Variants in LARP1B observed in about 807,000 individuals in gnomAD.
LARP1B encodes la-related protein 1B.
LARP1B carries 76 observed loss-of-function variants against 114.2 expected under a neutral mutation model. That is an observed-to-expected ratio of 0.67 (90% CI 0.55 to 0.81). LARP1B has a LOEUF of 0.81. LARP1B is among the 30% of genes least tolerant of loss of function. The pLI is 0.00. For missense variants in LARP1B, 1,014 were observed against 1,075.8 expected (o/e 0.94, Z 0.80); for synonymous variants, 345 against 348.0 (o/e 0.99, Z 0.10).
intron 3 of LARP1B, among the ~76,000 whole-genome samples, chr4:128,075,376 C>G (rs983018500): frequency 1.3e-5 from 2 of 152,040 alleles, no homozygotes; most frequent in Non-Finnish European, 1.5e-5. Context: ...TATGAGCTAC[C>G]ATTCTGGCTG....
chr4:128,095,804 AT>A (rs1380430229), intron 7 of LARP1B, among the ~76,000 whole-genome samples: 2 of 152,078 alleles, frequency 1.3e-5, no homozygotes, highest in African/African-American at 4.8e-5. Flanking sequence ...TTGTTTTCTC[AT>A]AACTTGTATT....
intron 7 of LARP1B, chr4:128,092,789 C>T: frequency 1.0e-6 from 1 of 985,430 alleles, no homozygotes. Context: ...GATGCAAACA[C>T]TGAAGAAAAG....
chr4:128,135,098 A>AAATAAAT (rs1792866659), intron 11 of LARP1B, among the ~76,000 whole-genome samples: 1 of 141,510 alleles, frequency 7.1e-6, no homozygotes, highest in Non-Finnish European at 1.5e-5. Context: ...ACTTCATCTC[A>AAATAAAT]AAATAAATAA....
chr4:128,104,301 T>C (rs1176829219), intron 8 of LARP1B, among the ~76,000 whole-genome samples: 1 of 152,190 alleles, frequency 6.6e-6, no homozygotes, highest in Non-Finnish European at 1.5e-5. Context: ...ACATAAATGG[T>C]GTTATGACTT....
At position 128,071,902 on chromosome 4, in the gene LARP1B, C is replaced by A. The variant is rs529176671; in HGVS notation, c.-77-2558C>A. On this transcript the variant is annotated intron_variant, in intron 1 of 19. Coordinates refer to ENST00000326639, the MANE Select transcript of LARP1B (RefSeq NM_018078.4). ...GTGTTGTAGCTTTTGTTTAAAGTAT[C>A]CTAGCCCTTAAAAATATATTATTTT... Among the ~76,000 whole-genome samples the A allele has an allele frequency of 2.7e-4, 41 of 152,186 alleles. No homozygotes were observed. The East Asian group carries it at 7.7e-3, about 29-fold the overall frequency.
intron 5 of LARP1B, among the ~76,000 whole-genome samples, chr4:128,085,552 TAG>T (rs1773129339): frequency 6.6e-6 from 1 of 151,974 alleles, no homozygotes; most frequent in African/African-American, 2.4e-5. Context: ...AAGTTTTCTT[TAG>T]AGACAGTCTT....
intron 12 of LARP1B, among the ~76,000 whole-genome samples, chr4:128,163,640 T>C (rs1038425041): frequency 2.6e-5 from 4 of 152,214 alleles, no homozygotes; most frequent in African/African-American, 7.2e-5. Flanking sequence ...CTTTGTTTAC[T>C]AGTTTCAAAG....
In LARP1B at chr4:128,121,919, A is replaced by C; in HGVS notation, c.1255A>C (p.Ile419Leu). 6.2e-7 allele frequency: 1 copy of C among 1,612,774 alleles called. No individual in the cohort carries two copies. Among genetic ancestry groups the C allele is most frequent in the Non-Finnish European group, 8.5e-7 (1 of 1,179,860 alleles). ...ACTTGATTTTTTGTTTGATGAAGAG[A>C]TTGAACAAATAGGACGAAAAAACAC... ...EELDFLFDEE[I>L]EQIGRKNTFT... Residue 419 changes from isoleucine (I) to leucine (L), a missense_variant, in exon 11 of 20, where the codon ATT (isoleucine) becomes CTT (leucine). Physicochemically the swap from Ile to Leu is conservative, Grantham distance 5. Transcript: ENST00000326639.
intron 5 of LARP1B, among the ~76,000 whole-genome samples, chr4:128,084,380 C>T (rs1027521969): frequency 1.4e-4 from 22 of 152,244 alleles, no homozygotes; most frequent in African/African-American, 3.6e-4. Context: ...CCGGCACCTC[C>T]GGGAGGCCGA....
Position 128,114,602 on chromosome 4 carries a change from C to T in LARP1B, c.1021C>T (p.Pro341Ser). 1 of 1,612,170 alleles carries T rather than the reference C, an allele frequency of 6.2e-7. No individual in the cohort carries two copies. Among genetic ancestry groups the T allele is most frequent in the Non-Finnish European group, 8.5e-7 (1 of 1,178,922 alleles). ...CCCAAATTCTCCAAGAATTGGAAGC[C>T]CATTGAGCCCAAAGAAAAACAGTGA... ...SAPNSPRIGS[P>S]LSPKKNSETS... The change falls in exon 10 of 20, where the codon CCA becomes TCA. Residue 341 changes from proline (P) to serine (S), a missense_variant. Physicochemically the swap from Pro to Ser is moderately conservative, Grantham distance 74. Coordinates refer to ENST00000326639, the MANE Select transcript of LARP1B (RefSeq NM_018078.4).
chr4:128,085,307 G>A (rs1260778506), intron 5 of LARP1B, among the ~76,000 whole-genome samples: 1 of 148,290 alleles, frequency 6.7e-6, no homozygotes, highest in African/African-American at 2.5e-5. Context: ...CTTTGAGACT[G>A]TGGAGATAAT....
intron 12 of LARP1B, among the ~76,000 whole-genome samples, chr4:128,168,092 A>G (rs1741914512): frequency 6.6e-6 from 1 of 152,194 alleles, no homozygotes; most frequent in South Asian, 2.1e-4. Flanking sequence ...TCAAGTTGCT[A>G]TGTGAATATA....
In LARP1B at chr4:128,187,803, A is replaced by G. The variant is rs565018922; in HGVS notation, c.2003+8291A>G. 3.0e-4 allele frequency among the ~76,000 whole-genome samples: 46 copies of G among 152,254 alleles called. 2 individuals are homozygous for G. The South Asian group carries it at 9.3e-3, about 31-fold the overall frequency. ...GGGCCTGGTGGGAGGTGATTGGATC[A>G]CCGGGGCAGTTTCTCATGGTTTAAC... On this transcript the variant is annotated intron_variant, in intron 15 of 19. Coordinates refer to ENST00000326639, the MANE Select transcript of LARP1B (RefSeq NM_018078.4).
chr4:128,157,520 A>T (rs1001706600), intron 11 of LARP1B, among the ~76,000 whole-genome samples: 1 of 152,194 alleles, frequency 6.6e-6, no homozygotes, highest in African/African-American at 2.4e-5. Context: ...TTCAAAGAAG[A>T]TAAATACAGA....
At chr4:128,113,351 C>CTTTTTTTTTTTTTTTTTTCT (rs781192228) in intron 9 of LARP1B, among the ~76,000 whole-genome samples, 2 of 136,704 alleles carry the variant, frequency 1.5e-5, no homozygotes, top group Admixed American at 7.4e-5. Context: ...TTCTTTTTTT[C>CTTTTTTTTTTTTTTTTTTCT]TTTTTTTTTT....
Position 128,209,838 on chromosome 4 carries a change from G to A in LARP1B, c.2548-18G>A. The A allele has an allele frequency of 6.2e-7, 1 of 1,601,120 alleles. No individual in the cohort carries two copies. The highest frequency in any genetic ancestry group is 1.1e-5 in the South Asian group (1 of 90,762). On this transcript the variant is annotated intron_variant, in intron 19 of 19. Coordinates refer to ENST00000326639, the MANE Select transcript of LARP1B (RefSeq NM_018078.4). ...AAACAGTAAAATTGTCAACGGTGTT[G>A]CCTTTCATCATTTGCAGCCCCCTAT...
chr4:128,210,212 A>C lies in LARP1B; in HGVS notation c.*159A>C. On this transcript the variant is annotated 3_prime_UTR_variant, in exon 20 of 20. Transcript: ENST00000326639. ...TGTGATAATAAGAAAGAAGAAAAAGAAAGAAAAGTGGTAGCATTTTTTCTA... is the reference window on the plus strand; with the variant it reads ...TGTGATAATAAGAAAGAAGAAAAAGCAAGAAAAGTGGTAGCATTTTTTCTA... The C allele has an allele frequency of 7.0e-7, 1 of 1,432,688 alleles. No homozygotes were observed. Among genetic ancestry groups the C allele is most frequent in the Non-Finnish European group, 9.1e-7 (1 of 1,097,248 alleles). 88.7% of individuals were successfully genotyped at this position (1,432,688 alleles called of 1,614,324 possible).
intron 15 of LARP1B, among the ~76,000 whole-genome samples, chr4:128,190,502 G>A (rs902302297): frequency 1.3e-5 from 2 of 152,142 alleles, no homozygotes; most frequent in East Asian, 1.9e-4. Flanking sequence ...TAATCCCCAT[G>A]TGTCAAGGGA....
chr4:128,150,477 G>A (rs1442707043), intron 11 of LARP1B, among the ~76,000 whole-genome samples: 1 of 151,746 alleles, frequency 6.6e-6, no homozygotes, highest in East Asian at 1.9e-4. Context: ...CTTTTTTGTG[G>A]AGACAGTGTC....
Sources: gnomAD v4.1 joint callset for allele counts (sites outside exome capture counted in the v4.1 genomes callset) on GRCh38, gnomAD v4.1.1 for gene constraint, MANE v1.5 for transcripts, NCBI Gene and HGNC (gene_info 2026-07-23, HGNC 2026-07-21) for gene names.